The following NMNAT2 variants were observed in gnomAD, a reference collection of about 807,000 sequenced individuals.
The protein encoded by NMNAT2 is nicotinamide/nicotinic acid mononucleotide adenylyltransferase 2.
NMNAT2 carries 11 observed loss-of-function variants against 41.6 expected under a neutral mutation model. The observed-to-expected ratio is 0.26, with a 90% CI of 0.17 to 0.44. NMNAT2 has a LOEUF of 0.44. Ranked by LOEUF, NMNAT2 falls within the 20% of genes least tolerant of loss-of-function variation. The pLI is 1.00. For synonymous variants in NMNAT2, 148 were observed against 151.2 expected (o/e 0.98, Z 0.16); for missense variants, 288 against 407.7 (o/e 0.71, Z 2.53).
intron 8 of NMNAT2, among the ~76,000 whole-genome samples, chr1:183,266,410 T>C (rs1660816346): frequency 6.6e-6 from 1 of 152,216 alleles, no homozygotes; most frequent in African/African-American, 2.4e-5. Context: ...TAATTAAACC[T>C]GCATCCCTTG....
chr1:183,304,955 A>T, intron 1 of NMNAT2: 3 of 1,170,232 alleles, frequency 2.6e-6, no homozygotes, highest in Non-Finnish European at 3.4e-6. Flanking sequence ...TGCTGAGAGA[A>T]CCTCTCATAT....
Position 183,256,103 on chromosome 1 carries a change from A to T in NMNAT2, c.822-3360T>A, listed in dbSNP as rs184606009. Among the ~76,000 whole-genome samples, 161 of 152,004 alleles carry T rather than the reference A, an allele frequency of 1.1e-3. 1 individual carries two copies. The highest frequency in any genetic ancestry group is 3.5e-3 in the African/African-American group (145 of 41,438). On this transcript the variant is annotated intron_variant, in intron 10 of 10. Transcript: ENST00000287713. ...TTATAATGTTAGCTGTGGGTTTTTT[A>T]AAAAAAATAAAATAAATTGCCTTGC...
intron 1 of NMNAT2, among the ~76,000 whole-genome samples, chr1:183,409,569 G>A (rs1484752942): frequency 4.6e-5 from 7 of 151,998 alleles, no homozygotes; most frequent in Admixed American, 6.6e-5. Context: ...CTCCCACCTC[G>A]GCCTCCCAAA....
At chr1:183,415,005 C>G (rs974565188) in intron 1 of NMNAT2, among the ~76,000 whole-genome samples, 4 of 152,174 alleles carry the variant, frequency 2.6e-5, no homozygotes, top group Admixed American at 2.0e-4. Context: ...AAGGCAGAGT[C>G]TGGCTGTATT....
At chr1:183,417,268 C>T (rs1030759614) in intron 1 of NMNAT2, among the ~76,000 whole-genome samples, 3 of 152,142 alleles carry the variant, frequency 2.0e-5, no homozygotes, top group Non-Finnish European at 2.9e-5. Flanking sequence ...GCCGGATGCC[C>T]CCGCTCGCTC....
chr1:183,326,415 A>C lies in NMNAT2; in HGVS notation c.86-32622T>G, dbSNP rs569506634. On this transcript the variant is annotated intron_variant, in intron 1 of 10. Transcript: ENST00000287713. ...AAAAAAAAAAAAGACAGGGGAAGAG[A>C]ACTATTTAGATATGGTTGCAAGGGA... Among the ~76,000 whole-genome samples the C allele has an allele frequency of 1.3e-4, 19 of 151,312 alleles. No individual in the cohort carries two copies. In the South Asian group the frequency reaches 3.6e-3, roughly 28 times the overall value.
chr1:183,306,527 C>A (rs1398649347), intron 1 of NMNAT2, among the ~76,000 whole-genome samples: 2 of 152,184 alleles, frequency 1.3e-5, no homozygotes, highest in Non-Finnish European at 2.9e-5. Context: ...ACCACTCATG[C>A]ACTGAACCAA....
At chr1:183,388,804 C>T (rs1284671000) in intron 1 of NMNAT2, among the ~76,000 whole-genome samples, 1 of 152,318 alleles carries the variant, frequency 6.6e-6, no homozygotes, top group East Asian at 1.9e-4. Flanking sequence ...CGATGTATTT[C>T]TGGTGCCCTA....
intron 10 of NMNAT2, among the ~76,000 whole-genome samples, chr1:183,258,306 G>C (rs1467062358): frequency 6.6e-6 from 1 of 152,192 alleles, no homozygotes; most frequent in Non-Finnish European, 1.5e-5. Flanking sequence ...AGGCATCTGA[G>C]CCCTGCCTGT....
chr1:183,416,827 G>A (rs1367241793), intron 1 of NMNAT2, among the ~76,000 whole-genome samples: 1 of 152,086 alleles, frequency 6.6e-6, no homozygotes, highest in African/African-American at 2.4e-5. Flanking sequence ...TGTCTTTACC[G>A]CTGTGGTGTG....
intron 5 of NMNAT2, among the ~76,000 whole-genome samples, chr1:183,285,026 A>AT (rs1220668828): frequency 5.3e-5 from 8 of 152,124 alleles, no homozygotes; most frequent in African/African-American, 1.4e-4. Context: ...ACTGGAAGCC[A>AT]TTTTCTGGTT....
intron 4 of NMNAT2, among the ~76,000 whole-genome samples, chr1:183,289,484 G>A (rs1661480016): frequency 6.6e-6 from 1 of 152,254 alleles, no homozygotes. Flanking sequence ...GGGGAATACA[G>A]AAGCTCTCGC....
chr1:183,260,751 G>A (rs144147320), intron 10 of NMNAT2, among the ~76,000 whole-genome samples: 5,665 of 151,386 alleles, frequency 0.037, 154 homozygotes, highest in Non-Finnish European at 0.055. Context: ...CCCAGGAGGC[G>A]GGGGTTGCAG....
intron 7 of NMNAT2, 69 bp from the exon 8 acceptor site, chr1:183,278,698 T>G (rs569874759): frequency 9.1e-7 from 1 of 1,104,470 alleles, no homozygotes; most frequent in East Asian, 2.4e-5. Flanking sequence ...CCCTCAGCCT[T>G]CTTCCCCTGG....
At chr1:183,311,912 C>G (rs1276054713) in intron 1 of NMNAT2, among the ~76,000 whole-genome samples, 2 of 152,008 alleles carry the variant, frequency 1.3e-5, no homozygotes, top group Admixed American at 6.6e-5. Flanking sequence ...ATGCTGTTCT[C>G]GTGATAGCAA....
intron 1 of NMNAT2, among the ~76,000 whole-genome samples, chr1:183,342,188 A>T (rs1430816116): frequency 6.6e-6 from 1 of 151,944 alleles, no homozygotes; most frequent in Non-Finnish European, 1.5e-5. Flanking sequence ...TGCACTTTAG[A>T]TCTCCTAAAG....
chr1:183,270,866 CAA>C lies in NMNAT2; in HGVS notation c.651+7685_651+7686del, dbSNP rs1453947934. Among the ~76,000 whole-genome samples the C allele has an allele frequency of 2.6e-5, 4 of 152,188 alleles. No individual in the cohort carries two copies. The East Asian group carries it at 7.7e-4, about 29-fold the overall frequency. On this transcript the variant is annotated intron_variant, in intron 8 of 10. Coordinates refer to ENST00000287713, the MANE Select transcript of NMNAT2 (RefSeq NM_015039.4). ...TAAAAACCATCTGAGCCTGAATAGC[CAA>C]AGTTTGTCTTTGTTCCATTTATCCT...
intron 1 of NMNAT2, among the ~76,000 whole-genome samples, chr1:183,396,545 C>T (rs1193436000): frequency 6.6e-6 from 1 of 152,146 alleles, no homozygotes. Context: ...CTCAAGTTAG[C>T]GTGTATATAA....
intron 1 of NMNAT2, among the ~76,000 whole-genome samples, chr1:183,413,318 C>T (rs1055149058): frequency 6.6e-6 from 1 of 152,140 alleles, no homozygotes; most frequent in Non-Finnish European, 1.5e-5. Context: ...TTTCTGGGCT[C>T]AAGCGGACCT....
Sources: gnomAD v4.1 joint callset for allele counts (sites outside exome capture counted in the v4.1 genomes callset) on GRCh38, gnomAD v4.1.1 for gene constraint, MANE v1.5 for transcripts, NCBI Gene and HGNC (gene_info 2026-07-23, HGNC 2026-07-21) for gene names.